CDKL4: variants seen among roughly 807,000 people sequenced by gnomAD.
CDKL4 encodes the protein cyclin-dependent kinase-like 4.
A neutral mutation model predicts 42.0 loss-of-function variants in CDKL4; 44 were observed. The observed-to-expected ratio is 1.05, with a 90% CI of 0.82 to 1.35. The LOEUF (loss-of-function observed/expected upper bound fraction) is 1.35, where lower values mean the gene tolerates loss of function less well. Ranked by LOEUF, CDKL4 falls within the 40% of genes most tolerant of loss-of-function variation. CDKL4 has a pLI of 0.00. For missense variants in CDKL4, 393 were observed against 369.9 expected (o/e 1.06, Z -0.51); for synonymous variants, 120 against 121.6 (o/e 0.99, Z 0.09).
At chr2:39,184,719 T>C in intron 7 of CDKL4, 72 bp from the exon 8 acceptor site, 2 of 963,770 alleles carry the variant, frequency 2.1e-6, no homozygotes, top group Non-Finnish European at 3.3e-6. Flanking sequence ...TATGTGCGTA[T>C]GTATGTGTGT....
chr2:39,177,222 G>A (rs1374354628), intron 9 of CDKL4, among the ~76,000 whole-genome samples: 1 of 152,078 alleles, frequency 6.6e-6, no homozygotes, highest in Non-Finnish European at 1.5e-5. Context: ...TAGCACAGCT[G>A]TAAACCCAAG....
In CDKL4 at chr2:39,234,246, T is replaced by G. The variant is rs562713575; in HGVS notation, c.-56-4658A>C. Among the ~76,000 whole-genome samples, 13 of 152,212 alleles carry G rather than the reference T, an allele frequency of 8.5e-5. No individual in the cohort carries two copies. In the South Asian group the frequency reaches 2.7e-3, roughly 32 times the overall value. ...CACTTTTTTCTTTTGGCTATTGATG[T>G]GTAGATTTGGATAAAAAGATATAAA... On this transcript the variant is annotated intron_variant, in intron 1 of 9. Coordinates refer to ENST00000451199, the Ensembl canonical transcript of CDKL4.
intron 6 of CDKL4, among the ~76,000 whole-genome samples, chr2:39,188,300 C>T (rs763783136): frequency 2.0e-5 from 3 of 151,692 alleles, no homozygotes; most frequent in Non-Finnish European, 4.4e-5. Flanking sequence ...CGGTGGCTCA[C>T]GCCTGTAATC....
exon 1 of CDKL4, among the ~76,000 whole-genome samples, chr2:39,243,925 C>T (rs143876789): frequency 0.012 from 1,867 of 152,386 alleles, 16 homozygotes; most frequent in Admixed American, 0.018. Context: ...CAGCCCCAGC[C>T]CCAGCTCCCG....
chr2:39,246,151 GT>G (rs1326644998), upstream of CDKL4, among the ~76,000 whole-genome samples: 1 of 152,114 alleles, frequency 6.6e-6, no homozygotes, highest in African/African-American at 2.4e-5. Flanking sequence ...CCCTAAACAG[GT>G]GACTCTCTTC....
chr2:39,194,113 C>T (rs759266284), intron 5 of CDKL4, among the ~76,000 whole-genome samples: 1 of 152,012 alleles, frequency 6.6e-6, no homozygotes, highest in African/African-American at 2.4e-5. Flanking sequence ...AGAATTTGTT[C>T]GAAATTGTGT....
chr2:39,203,779 C>T (rs565773414), intron 5 of CDKL4, among the ~76,000 whole-genome samples: 3 of 152,166 alleles, frequency 2.0e-5, no homozygotes. Context: ...TTTTCAGCCG[C>T]ATGGCACAGG....
chr2:39,181,808 C>A (rs1054152317), intron 8 of CDKL4, among the ~76,000 whole-genome samples: 48 of 152,100 alleles, frequency 3.2e-4, no homozygotes, highest in African/African-American at 1.1e-3. Context: ...CTGGAAGAGG[C>A]AAGGAAAGAA....
At chr2:39,231,276 T>C (rs1679081617) in intron 1 of CDKL4, among the ~76,000 whole-genome samples, 1 of 152,184 alleles carries the variant, frequency 6.6e-6, no homozygotes, top group Non-Finnish European at 1.5e-5. Flanking sequence ...AACCACTTTA[T>C]CCAGGTCTTG....
intron 5 of CDKL4, among the ~76,000 whole-genome samples, chr2:39,204,151 C>G (rs572640962): frequency 2.6e-5 from 4 of 152,272 alleles, no homozygotes; most frequent in African/African-American, 9.6e-5. Flanking sequence ...TTTTCAACCA[C>G]TCTCGCCCAC....
At chr2:39,224,812 G>A (rs1678594105) in intron 3 of CDKL4, among the ~76,000 whole-genome samples, 1 of 152,098 alleles carries the variant, frequency 6.6e-6, no homozygotes, top group South Asian at 2.1e-4. Flanking sequence ...ATTTTCTAAA[G>A]TGTTGTTTGA....
At chr2:39,232,043 A>C (rs1187564168) in intron 1 of CDKL4, among the ~76,000 whole-genome samples, 2 of 152,226 alleles carry the variant, frequency 1.3e-5, no homozygotes, top group African/African-American at 4.8e-5. Context: ...ATGAAGTTTT[A>C]ATGTATGCAT....
intron 8 of CDKL4, among the ~76,000 whole-genome samples, chr2:39,180,316 A>G (rs1352731919): frequency 6.6e-6 from 1 of 152,264 alleles, no homozygotes; most frequent in Non-Finnish European, 1.5e-5. Flanking sequence ...GCTCACCACC[A>G]GCACAAACAT....
At chr2:39,172,521 G>A (rs977065319), downstream of CDKL4, among the ~76,000 whole-genome samples, 1 of 152,168 alleles carries the variant, frequency 6.6e-6, no homozygotes, top group Admixed American at 6.5e-5. Flanking sequence ...GCAATGCTAT[G>A]CTGTGGCCTG....
At chr2:39,170,803 C>T (rs1303921920), downstream of CDKL4, among the ~76,000 whole-genome samples, 1 of 152,042 alleles carries the variant, frequency 6.6e-6, no homozygotes, top group Non-Finnish European at 1.5e-5. Context: ...AAGATCATTC[C>T]TCTTCTGGTG....
intron 1 of CDKL4, among the ~76,000 whole-genome samples, chr2:39,233,645 G>T (rs1044927120): frequency 1.3e-5 from 2 of 151,576 alleles, no homozygotes; most frequent in Non-Finnish European, 1.5e-5. Context: ...ATGAAACAAG[G>T]GAAAGCCGTC....
At chr2:39,220,906 AATTT>A (rs1270699620) in intron 3 of CDKL4, among the ~76,000 whole-genome samples, 3 of 127,430 alleles carry the variant, frequency 2.4e-5, no homozygotes, top group Non-Finnish European at 4.9e-5. Context: ...TTTATGCTGT[AATTT>A]AGTCGTTGGG....
intron 5 of CDKL4, 87 bp from the exon 6 acceptor site, chr2:39,190,589 T>A (rs1676126687): frequency 1.4e-5 from 16 of 1,122,994 alleles, no homozygotes; most frequent in Non-Finnish European, 2.1e-5. Context: ...CAGGCTGCAA[T>A]AACCATCAGA....
At chr2:39,211,556 C>T (rs1677588064) in intron 4 of CDKL4, among the ~76,000 whole-genome samples, 1 of 152,118 alleles carries the variant, frequency 6.6e-6, no homozygotes, top group African/African-American at 2.4e-5. Flanking sequence ...CTCCCCAAAA[C>T]TTGTCATTGT....
Sources: gnomAD v4.1 joint callset for allele counts (sites outside exome capture counted in the v4.1 genomes callset) on GRCh38, gnomAD v4.1.1 for gene constraint, MANE v1.5 for transcripts, NCBI Gene and HGNC (gene_info 2026-07-23, HGNC 2026-07-21) for gene names.